The following IRAG1 variants were observed in gnomAD, a reference collection of about 807,000 sequenced individuals.
The protein encoded by IRAG1 is inositol 1,4,5-triphosphate receptor associated 1.
IRAG1 carries 62 observed loss-of-function variants against 106.2 expected under a neutral mutation model. The ratio of observed to expected loss-of-function variants is 0.58; its 90% confidence interval spans 0.48 to 0.72. The LOEUF (loss-of-function observed/expected upper bound fraction) is 0.72. Ranked by LOEUF, IRAG1 falls within the 30% of genes least tolerant of loss-of-function variation. The pLI is 0.00. For missense variants in IRAG1, 1,064 were observed against 1,140.7 expected (o/e 0.93, Z 0.97); for synonymous variants, 462 against 443.9 (o/e 1.04, Z -0.51).
intron 18 of IRAG1, among the ~76,000 whole-genome samples, chr11:10,583,409 G>T (rs1463588529): frequency 6.6e-6 from 1 of 152,136 alleles, no homozygotes; most frequent in Non-Finnish European, 1.5e-5. Context: ...GGAGACAAGA[G>T]CTCATCAAGG....
At chr11:10,594,316 G>T in intron 15 of IRAG1, 121 bp from the exon 16 acceptor site, 2 of 891,358 alleles carry the variant, frequency 2.2e-6, no homozygotes, top group Non-Finnish European at 1.7e-6. Context: ...ATAGCCCAAG[G>T]GTCTGGGTGT....
intron 9 of IRAG1, among the ~76,000 whole-genome samples, chr11:10,624,595 TTGGGAATGGTTTGTCCCCCGA>T (rs147246548): frequency 0.017 from 2,609 of 152,120 alleles, 82 homozygotes; most frequent in African/African-American, 0.06. Flanking sequence ...CAGAGGGCAC[TTGGGAATGGTTTGTCCCCCGA>T]GAAGGGAGGA....
In IRAG1 at chr11:10,687,876, TG is replaced by T. The variant is rs397812916; in HGVS notation, c.67+5659del. 2,596 of 957,758 alleles carry T rather than the reference TG, an allele frequency of 2.7e-3. 1 individual carries two copies. Among genetic ancestry groups the T allele is most frequent in the South Asian group, 3.9e-3 (244 of 62,384 alleles). The allele number at this position is 957,758 out of a possible 1,614,324, so 59.3% of individuals were successfully genotyped here. A position where few individuals can be genotyped will look rare whatever the true frequency, so the allele number is the denominator to read the frequency against. Reference sequence around the variant, plus strand: ...TAAGGGATTTAGCTTTGCTTTTTTTTGGGGGGGGGTGGTATTTAACTTTGTA... The same window carrying T: ...TAAGGGATTTAGCTTTGCTTTTTTTTGGGGGGGGTGGTATTTAACTTTGTA... On this transcript the variant is annotated intron_variant, in intron 1 of 20. Transcript: ENST00000423302.
rs147971557 is a variant in IRAG1, at chr11:10,638,527, C to T, written c.226-4456G>A. ...AAACTCTGACTGTGCTTATAGCATG[C>T]GCGGGCTTCTTTCCCTGGATTTTAT... On this transcript the variant is annotated intron_variant, in intron 2 of 20. Coordinates refer to ENST00000423302, the MANE Select transcript of IRAG1 (RefSeq NM_130385.4). 2.1e-3 allele frequency among the ~76,000 whole-genome samples: 325 copies of T among 152,330 alleles called. 4 individuals are homozygous for T. The highest frequency in any genetic ancestry group is 6.9e-3 in the African/African-American group (286 of 41,572).
intron 1 of IRAG1, among the ~76,000 whole-genome samples, chr11:10,663,633 C>T (rs748898642): frequency 2.0e-5 from 3 of 152,200 alleles, no homozygotes; most frequent in Non-Finnish European, 4.4e-5. Flanking sequence ...TGTGGCTATC[C>T]CAATCTGCCA....
In IRAG1 at chr11:10,687,877, G is replaced by GGC. The variant is rs143701905; in HGVS notation, c.67+5658_67+5659insGC. 2,765 of 601,236 alleles carry GGC rather than the reference G, an allele frequency of 4.6e-3. 72 individuals carry two copies. In the African/African-American group the frequency reaches 0.067, roughly 15 times the overall value. 37.2% of individuals were successfully genotyped at this position (601,236 alleles called of 1,614,324 possible). On this transcript the variant is annotated intron_variant, in intron 1 of 20. Coordinates refer to ENST00000423302, the MANE Select transcript of IRAG1 (RefSeq NM_130385.4). ...AAGGGATTTAGCTTTGCTTTTTTTT[G>GGC]GGGGGGGGTGGTATTTAACTTTGTA... is the stretch of plus-strand genomic sequence containing the variant.
Position 10,593,552 on chromosome 11 carries a change from A to C in IRAG1, c.2115T>G (p.Asn705Lys). Residue 705 changes from asparagine (N) to lysine (K), a missense_variant, in exon 17 of 21, where the codon AAT becomes AAG. By Grantham distance (94) the Asn-to-Lys change is moderately conservative (BLOSUM62 0). Coordinates refer to ENST00000423302, the MANE Select transcript of IRAG1 (RefSeq NM_130385.4). ...RVSVAVVPKF[N>K]ALNLPGQTPS... ...GAGTTTGGCCAGGCAGATTCAGGGC[A>C]TTAAACTTAGGAACCACAGCAACGC... 6.2e-7 allele frequency: 1 copy of C among 1,613,920 alleles called. No homozygotes were observed.
chr11:10,622,896 C>CACACACACACACACAT (rs543628217), intron 10 of IRAG1, among the ~76,000 whole-genome samples: 1 of 151,962 alleles, frequency 6.6e-6, no homozygotes, highest in Non-Finnish European at 1.5e-5. Flanking sequence ...CACACACACA[C>CACACACACACACACAT]ACACACTCCT....
At chr11:10,585,903 C>T (rs146081863) in intron 18 of IRAG1, 11 of 152,074 alleles carry the variant, frequency 7.2e-5, no homozygotes, top group African/African-American at 2.2e-4. Context: ...CATGAACCCC[C>T]GCTTTTCTTT....
In IRAG1 at chr11:10,581,922, C is replaced by T. The variant is rs749497960; in HGVS notation, c.2305G>A (p.Glu769Lys). 6.2e-7 allele frequency: 1 copy of T among 1,613,944 alleles called. No homozygotes were observed. The highest frequency in any genetic ancestry group is 8.5e-7 in the Non-Finnish European group (1 of 1,179,830). ...GCCTTGGTCTCCTGACTAAGCTCCTCCAGGCAGCTCAGGGTCAGCGCAGGA... is the reference window on the plus strand; with the variant it reads ...GCCTTGGTCTCCTGACTAAGCTCCTTCAGGCAGCTCAGGGTCAGCGCAGGA... ...SAPALTLSCLEELSQETKARM... is the reference protein window; with the variant it reads ...SAPALTLSCLKELSQETKARM... The change falls in exon 19 of 21, where the codon GAG (glutamate) becomes AAG (lysine). Residue 769 changes from glutamate (E) to lysine (K), a missense_variant. Physicochemically the swap from Glu to Lys is moderately conservative, Grantham distance 56 (BLOSUM62 1). Transcript: ENST00000423302.
intron 2 of IRAG1, among the ~76,000 whole-genome samples, chr11:10,636,916 G>A (rs984374256): frequency 6.6e-6 from 1 of 152,214 alleles, no homozygotes. Flanking sequence ...GCTGGTGCAG[G>A]TGCATGGACT....
At chr11:10,587,856 G>A (rs1335498159) in intron 18 of IRAG1, among the ~76,000 whole-genome samples, 3 of 152,080 alleles carry the variant, frequency 2.0e-5, no homozygotes, top group Admixed American at 1.3e-4. Flanking sequence ...CCAGTTGGGC[G>A]GTCTATTAAA....
chr11:10,635,016 G>A (rs1021733000), intron 2 of IRAG1, among the ~76,000 whole-genome samples: 1 of 152,146 alleles, frequency 6.6e-6, no homozygotes, highest in Admixed American at 6.6e-5. Flanking sequence ...GACACTACAA[G>A]CTATCCCTGG....
chr11:10,607,420 A>G (rs1404793616), intron 11 of IRAG1, among the ~76,000 whole-genome samples: 1 of 152,206 alleles, frequency 6.6e-6, no homozygotes, highest in Non-Finnish European at 1.5e-5. Context: ...CAGCCGACAC[A>G]GAGGCATCCT....
At chr11:10,668,488 T>C (rs1053644501) in intron 1 of IRAG1, among the ~76,000 whole-genome samples, 2 of 152,220 alleles carry the variant, frequency 1.3e-5, no homozygotes, top group Non-Finnish European at 2.9e-5. Context: ...TTTTTGTAAA[T>C]AAATTTTTAT....
intron 20 of IRAG1, among the ~76,000 whole-genome samples, chr11:10,578,192 G>A (rs1851023091): frequency 6.6e-6 from 1 of 152,202 alleles, no homozygotes; most frequent in Non-Finnish European, 1.5e-5. Flanking sequence ...TTCTTTAGAA[G>A]TCAATTTTTG....
intron 19 of IRAG1, among the ~76,000 whole-genome samples, 171 bp from the exon 20 acceptor site, chr11:10,580,760 G>A (rs899939946): frequency 8.5e-5 from 13 of 152,188 alleles, no homozygotes; most frequent in African/African-American, 2.4e-4. Flanking sequence ...GGCAGCTCAC[G>A]CCAGTACCAT....
At chr11:10,589,029 C>T (rs1353151011) in intron 18 of IRAG1, 3 of 152,042 alleles carry the variant, frequency 2.0e-5, no homozygotes, top group African/African-American at 7.2e-5. Context: ...GTTTCTAGGC[C>T]CTTGGTGAGT....
Position 10,676,308 on chromosome 11 carries a change from C to T in IRAG1, c.67+17228G>A, listed in dbSNP as rs187544626. On this transcript the variant is annotated intron_variant, in intron 1 of 20. Transcript: ENST00000423302. The stretch of plus-strand genomic sequence containing the variant: ...ATGGTTGAGAGGATGGCATGAGATG[C>T]GTACATGACTCAGCACAGTCAGTGC... Among the ~76,000 whole-genome samples the T allele has an allele frequency of 3.3e-4, 50 of 152,346 alleles. 1 individual carries two copies. The highest frequency in any genetic ancestry group is 2.5e-3 in the South Asian group (12 of 4,830).
Sources: allele counts gnomAD v4.1 joint callset (sites outside exome capture counted in the v4.1 genomes callset), GRCh38; gene constraint gnomAD v4.1.1; transcripts MANE v1.5; gene names NCBI Gene and HGNC (gene_info 2026-07-23, HGNC 2026-07-21).